Variants in CTDP1 observed in about 807,000 individuals in gnomAD.
The protein encoded by CTDP1 is CTD phosphatase 1, also known as RNA polymerase II subunit A C-terminal domain phosphatase.
CTDP1 carries 47 observed loss-of-function variants against 91.8 expected under a neutral mutation model. That is an observed-to-expected ratio of 0.51 (90% CI 0.41 to 0.65). The LOEUF is 0.65. Ranked by LOEUF, CTDP1 falls within the 30% of genes least tolerant of loss-of-function variation. The pLI is 0.00. For missense variants in CTDP1, 1,272 were observed against 1,373.7 expected (o/e 0.93, Z 1.17); for synonymous variants, 656 against 598.5 (o/e 1.10, Z -1.40).
At position 79,714,717 on chromosome 18, in the gene CTDP1, G is replaced by A. The variant is rs749893240; in HGVS notation, c.1257G>A (p.Leu419=). 6.9e-6 allele frequency: 11 copies of A among 1,605,778 alleles called. No individual in the cohort carries two copies. In the Admixed American group the frequency reaches 1.9e-4, roughly 27 times the overall value. The change falls in exon 8 of 13, where the codon CTG becomes CTA. Residue 419 remains leucine, a synonymous_variant. Transcript: ENST00000613122. ...PAQAPTSSQE[L]AGAPEPQGSC... is the part of the protein sequence containing the mutation. ...AGGCCCCCACCAGCAGCCAAGAGCT[G>A]GCAGGCGCTCCTGAGCCCCAGGGAT... is the stretch of plus-strand genomic sequence containing the variant.
Position 79,680,280 on chromosome 18 carries a change from G to C in CTDP1, c.314+19G>C. ...CCCCAGGGTGAGTGTGCTGAGCCGG[G>C]CGGGGCCGAGGGCGGGCGGCTCCGG... On this transcript the variant is annotated intron_variant, in intron 1 of 12. Coordinates refer to ENST00000613122, the MANE Select transcript of CTDP1 (RefSeq NM_004715.5). 8.0e-7 allele frequency: 1 copy of C among 1,251,148 alleles called. No homozygotes were observed. The allele number at this position is 1,251,148 out of a possible 1,614,324, so 77.5% of individuals were successfully genotyped here. A position where few individuals can be genotyped will look rare whatever the true frequency, so the allele number is the denominator to read the frequency against.
chr18:79,695,974 C>T lies in CTDP1; in HGVS notation c.399-3C>T. ...AGCCCTGAACCTGTCCTTGCACTTGCAGGTTGCAGAGTAAGAACGGGAAGC... is the reference window on the plus strand; with the variant it reads ...AGCCCTGAACCTGTCCTTGCACTTGTAGGTTGCAGAGTAAGAACGGGAAGC... On this transcript the variant is annotated splice_polypyrimidine_tract_variant and splice_region_variant and intron_variant, in intron 2 of 12. Coordinates refer to ENST00000613122, the MANE Select transcript of CTDP1 (RefSeq NM_004715.5). 6.2e-7 allele frequency: 1 copy of T among 1,611,562 alleles called. No individual in the cohort carries two copies. Among genetic ancestry groups the T allele is most frequent in the Non-Finnish European group, 8.5e-7 (1 of 1,179,468 alleles).
In CTDP1 at chr18:79,729,162, G is replaced by A. The variant is rs2086513849; in HGVS notation, c.2580+93G>A. On this transcript the variant is annotated intron_variant, in intron 11 of 12. Transcript: ENST00000613122. ...GGGCGGATTGCTGAGCTGTGCACCT[G>A]GAGGCCGAGCTAGAGTCCTGCACTT... 12 of 1,536,130 alleles carry A rather than the reference G, an allele frequency of 7.8e-6. No individual in the cohort carries two copies. The Admixed American group carries it at 1.2e-4, about 15-fold the overall frequency.
Position 79,713,201 on chromosome 18 carries a change from T to C in CTDP1, c.1030+63T>C. On this transcript the variant is annotated intron_variant, in intron 7 of 12. Transcript: ENST00000613122. The surrounding 1 kb of genome is among the most constrained non-coding windows in gnomAD (Gnocchi z 4.7). ...CATTTGCTTATTGTTTAGCTCTTCTTATTTCTTATCTCTGTTTTGACTGCT... is the reference window on the plus strand; with the variant it reads ...CATTTGCTTATTGTTTAGCTCTTCTCATTTCTTATCTCTGTTTTGACTGCT... The C allele has an allele frequency of 1.3e-6, 2 of 1,497,834 alleles. No homozygotes were observed. The highest frequency in any genetic ancestry group is 1.2e-5 in the South Asian group (1 of 85,698). 92.8% of individuals were successfully genotyped at this position (1,497,834 alleles called of 1,614,324 possible).
intron 1 of CTDP1, among the ~76,000 whole-genome samples, chr18:79,693,131 C>G (rs2122461891): frequency 6.6e-6 from 1 of 152,344 alleles, no homozygotes; most frequent in South Asian, 2.1e-4. Flanking sequence ...GGGGATGGCC[C>G]CTGTGGCCTC....
chr18:79,726,752 T>G (rs2086450655), intron 10 of CTDP1, among the ~76,000 whole-genome samples: 1 of 129,508 alleles, frequency 7.7e-6, no homozygotes, highest in African/African-American at 2.9e-5. Flanking sequence ...TGGACGGCTG[T>G]GGGGGATGGG....
intron 11 of CTDP1, among the ~76,000 whole-genome samples, chr18:79,730,578 G>A (rs1462253021): frequency 6.6e-6 from 1 of 152,272 alleles, no homozygotes; most frequent in African/African-American, 2.4e-5. Flanking sequence ...CCCCCCAGAT[G>A]TAGCTCTTTG....
In CTDP1 at chr18:79,715,075, G is replaced by A. The variant is rs781164186; in HGVS notation, c.1615G>A (p.Asp539Asn). ...ELGGQEEGER[D>N]GLCGLGNGCA... ...GGGTGGGCAGGAGGAGGGCGAGCGG[G>A]ATGGCCTCTGCGGCCTGGGCAACGG... Residue 539 changes from aspartate to asparagine, a missense_variant, in exon 8 of 13, where the codon GAT (aspartate) becomes AAT (asparagine). Transcript: ENST00000613122. 1.2e-6 allele frequency: 2 copies of A among 1,612,710 alleles called. No individual in the cohort carries two copies. The highest frequency in any genetic ancestry group is 2.2e-5 in the East Asian group (1 of 44,874).
chr18:79,720,199 G>A (rs781244963), intron 10 of CTDP1, among the ~76,000 whole-genome samples: 83 of 144,978 alleles, frequency 5.7e-4, no homozygotes, highest in Non-Finnish European at 1.1e-3. Flanking sequence ...GTCATCTCCT[G>A]TCGTTAGGAA....
At chr18:79,692,683 G>A (rs1295485527) in intron 1 of CTDP1, among the ~76,000 whole-genome samples, 2 of 151,688 alleles carry the variant, frequency 1.3e-5, no homozygotes, top group African/African-American at 2.4e-5. Context: ...GGGGTAGAGC[G>A]AGGAGCCCGC....
rs756110395 is a variant in CTDP1, at chr18:79,697,967, C to T, written c.600C>T (p.His200=). 6.2e-7 allele frequency: 1 copy of T among 1,614,246 alleles called. No homozygotes were observed. Among genetic ancestry groups the T allele is most frequent in the South Asian group, 1.1e-5 (1 of 91,086 alleles). ...DQTLIHTTEQ[H]CQQMSNKGIF... is the part of the protein sequence containing the mutation. ...CGTTGATTCACACAACCGAGCAGCA[C>T]TGTCAGCAGATGTCGAATAAAGTGA... Residue 200 remains histidine (H), a synonymous_variant, in exon 4 of 13, where the codon CAC becomes CAT. Coordinates refer to ENST00000613122, the MANE Select transcript of CTDP1 (RefSeq NM_004715.5).
At chr18:79,731,254 G>A (rs1335616177) in intron 11 of CTDP1, among the ~76,000 whole-genome samples, 3 of 152,206 alleles carry the variant, frequency 2.0e-5, no homozygotes, top group Non-Finnish European at 4.4e-5. Context: ...CTTTGAGTGA[G>A]GGGTGTCGAG....
At chr18:79,707,946 ATAG>A (rs2086001914) in intron 5 of CTDP1, among the ~76,000 whole-genome samples, 1 of 152,220 alleles carries the variant, frequency 6.6e-6, no homozygotes, top group Non-Finnish European at 1.5e-5. Context: ...CTTTTATCTG[ATAG>A]TAGAGACGCT....
Position 79,714,491 on chromosome 18 carries a change from T to A in CTDP1, c.1031T>A (p.Val344Glu), listed in dbSNP as rs1305827228. 6.2e-7 allele frequency: 1 copy of A among 1,613,030 alleles called. No individual in the cohort carries two copies. Among genetic ancestry groups the A allele is most frequent in the South Asian group, 1.1e-5 (1 of 91,082 alleles). Residue 344 changes from valine (V) to glutamate (E), a missense_variant and splice_region_variant, in exon 8 of 13, where the codon GTA (valine) becomes GAA (glutamate). Physicochemically the swap from Val to Glu is moderately radical, Grantham distance 121. Around this residue, in one of 3 missense-constraint regions of CTDP1, gnomAD observed 881 missense variants for 911.6 expected, o/e 0.97. Transcript: ENST00000613122. ...CTTTTCCTTTTGCATGCATATTTAG[T>A]AAATCATTCTCGAGGCACTGAGGTC... ...GSRESQTRKKVNHSRGTEVSE... is the reference protein window; with the variant it reads ...GSRESQTRKKENHSRGTEVSE...
At chr18:79,747,972 G>A (rs770194635) in intron 12 of CTDP1, among the ~76,000 whole-genome samples, 11 of 152,034 alleles carry the variant, frequency 7.2e-5, no homozygotes, top group Non-Finnish European at 1.0e-4. Context: ...ATGGGGGTGG[G>A]GTATACATAT....
Position 79,680,184 on chromosome 18 carries a change from G to A in CTDP1, c.237G>A (p.Pro79=). Reference sequence around the variant, plus strand: ...GGGGCTGCGTGCGCCCCGCGCGGCCGGAACGCAGGCTGAGGTCGGAGCGCG... The same window carrying A: ...GGGGCTGCGTGCGCCCCGCGCGGCCAGAACGCAGGCTGAGGTCGGAGCGCG... The part of the protein sequence containing the change: ...ASGGCVRPAR[P]ERRLRSERAG... Residue 79 remains proline, a synonymous_variant, in exon 1 of 13, where the codon CCG becomes CCA. Transcript: ENST00000613122. 2 of 1,382,824 alleles carry A rather than the reference G, an allele frequency of 1.4e-6. No individual in the cohort carries two copies. The highest frequency in any genetic ancestry group is 1.9e-6 in the Non-Finnish European group (2 of 1,074,430). 85.7% of individuals were successfully genotyped at this position (1,382,824 alleles called of 1,614,324 possible). A position where few individuals can be genotyped will look rare whatever the true frequency, so the allele number is the denominator to read the frequency against.
chr18:79,738,837 C>G (rs2086719777), intron 12 of CTDP1, among the ~76,000 whole-genome samples: 1 of 152,240 alleles, frequency 6.6e-6, no homozygotes, highest in Admixed American at 6.5e-5. Context: ...TAGAAAGCAG[C>G]ATTTTCCAGC....
In CTDP1 at chr18:79,736,747, TGG is replaced by T. The variant is rs10709142; in HGVS notation, c.2747+233_2747+234del. On this transcript the variant is annotated intron_variant, in intron 12 of 12. Coordinates refer to ENST00000613122, the MANE Select transcript of CTDP1 (RefSeq NM_004715.5). ...CAGGCGTGTGAGGTGTGTGCAGGTG[TGG>T]GGGGGGATCTGTACATCTGCGCAGG... Among the ~76,000 whole-genome samples, 11 of 151,496 alleles carry T rather than the reference TGG, an allele frequency of 7.3e-5. No homozygotes were observed. In the East Asian group the frequency reaches 9.8e-4, roughly 13 times the overall value.
At position 79,694,124 on chromosome 18, in the gene CTDP1, G is replaced by T. The variant is rs1293833558; in HGVS notation, c.315-1101G>T. On this transcript the variant is annotated intron_variant, in intron 1 of 12. Transcript: ENST00000613122. ...TGGCTGTCTCATGTCCGCGGGTCAG[G>T]GTGGTCGGAGCAGCCCGGCTGGGAC... 2.0e-5 allele frequency among the ~76,000 whole-genome samples: 3 copies of T among 151,850 alleles called. No homozygotes were observed. In the East Asian group the frequency reaches 5.9e-4, roughly 30 times the overall value.
Sources: gnomAD v4.1 joint callset for allele counts (sites outside exome capture counted in the v4.1 genomes callset) on GRCh38, gnomAD v4.1.1 for gene constraint, gnomAD v4.1.1 regional missense constraint, Gnocchi (gnomAD v3.1) non-coding constraint, MANE v1.5 for transcripts, NCBI Gene and HGNC (gene_info 2026-07-23, HGNC 2026-07-21) for gene names.